Variants in PTPRD observed in about 807,000 individuals in gnomAD.
PTPRD encodes receptor-type tyrosine-protein phosphatase delta.
A neutral mutation model predicts 214.5 loss-of-function variants in PTPRD; 34 were observed. That is an observed-to-expected ratio of 0.16 (90% confidence interval 0.12 to 0.21). The LOEUF (loss-of-function observed/expected upper bound fraction) is 0.21, where lower values mean the gene tolerates loss of function less well. PTPRD is among the 10% of genes least tolerant of loss of function. The probability of loss-of-function intolerance (pLI) is 1.00; values close to 1 mark genes in which losing one functional copy is unlikely to be tolerated. For synonymous variants in PTPRD, 1,128 were observed against 845.7 expected (o/e 1.33, Z -5.79); for missense variants, 2,545 against 2,398.7 (o/e 1.06, Z -1.27).
chr9:9,275,204 TATATATA>T (rs1352783176), intron 9 of PTPRD, among the ~76,000 whole-genome samples: 798 of 69,422 alleles, frequency 0.011, 31 homozygotes, highest in African/African-American at 0.046. Context: ...ATATATTATA[TATATATA>T]TATATAACCA....
intron 3 of PTPRD, among the ~76,000 whole-genome samples, chr9:10,284,767 G>T (rs997377035): frequency 2.7e-5 from 4 of 149,446 alleles, no homozygotes; most frequent in African/African-American, 1.0e-4. Context: ...CCTTGATTCT[G>T]CAAGGCCAGG....
chr9:9,917,604 A>T (rs559970487), intron 5 of PTPRD, among the ~76,000 whole-genome samples: 5 of 151,962 alleles, frequency 3.3e-5, no homozygotes, highest in Non-Finnish European at 5.9e-5. Flanking sequence ...CAGCATAACC[A>T]TAATATGAAA....
At chr9:8,461,121 C>T (rs2096387277) in intron 32 of PTPRD, among the ~76,000 whole-genome samples, 1 of 152,038 alleles carries the variant, frequency 6.6e-6, no homozygotes, top group Non-Finnish European at 1.5e-5. Context: ...CTTAATACTA[C>T]TGCATATTAG....
chr9:9,600,040 G>C (rs1010460632), intron 7 of PTPRD, among the ~76,000 whole-genome samples: 2 of 151,940 alleles, frequency 1.3e-5, no homozygotes, highest in South Asian at 2.1e-4. Flanking sequence ...AATCCAAGCA[G>C]ATGAGTTACA....
At chr9:10,041,991 T>TG (rs1377306211) in intron 3 of PTPRD, among the ~76,000 whole-genome samples, 13 of 152,036 alleles carry the variant, frequency 8.6e-5, no homozygotes, top group Admixed American at 8.5e-4. Context: ...GCATCTGCAG[T>TG]ACTACACAAT....
At chr9:8,874,875 A>G (rs10815981) in intron 11 of PTPRD, among the ~76,000 whole-genome samples, 40,251 of 152,178 alleles carry the variant, frequency 0.26, 6,294 homozygotes, top group Non-Finnish European at 0.35. Flanking sequence ...CTAGATATTT[A>G]TTCTGACCTA....
chr9:8,329,274 C>G (rs530196078), intron 44 of PTPRD, among the ~76,000 whole-genome samples: 1 of 152,116 alleles, frequency 6.6e-6, no homozygotes, highest in Non-Finnish European at 1.5e-5. Context: ...AACAAACACC[C>G]AGGCCTCTCT....
At chr9:10,261,616 A>G (rs2093705214) in intron 3 of PTPRD, among the ~76,000 whole-genome samples, 1 of 152,126 alleles carries the variant, frequency 6.6e-6, no homozygotes, top group African/African-American at 2.4e-5. Flanking sequence ...GTACTAGTAT[A>G]TTTATATAGT....
At chr9:8,399,783 C>G (rs1005063370) in intron 36 of PTPRD, among the ~76,000 whole-genome samples, 4 of 152,152 alleles carry the variant, frequency 2.6e-5, no homozygotes, top group Non-Finnish European at 4.4e-5. Flanking sequence ...ATTATGATTT[C>G]AAAAGCCGCT....
intron 39 of PTPRD, among the ~76,000 whole-genome samples, chr9:8,373,946 C>T (rs1473260490): frequency 6.7e-6 from 1 of 149,736 alleles, no homozygotes; most frequent in Non-Finnish European, 1.5e-5. Context: ...TTTCTAGTGC[C>T]TCCACTTTAA....
At chr9:8,739,529 G>A (rs1450874127) in intron 11 of PTPRD, among the ~76,000 whole-genome samples, 1 of 152,154 alleles carries the variant, frequency 6.6e-6, no homozygotes, top group Non-Finnish European at 1.5e-5. Flanking sequence ...CTATTGGACA[G>A]CACAGACTAC....
intron 14 of PTPRD, among the ~76,000 whole-genome samples, chr9:8,533,584 G>A (rs550345115): frequency 2.6e-5 from 4 of 152,070 alleles, no homozygotes; most frequent in Admixed American, 6.6e-5. Flanking sequence ...ACAAGCAGCT[G>A]TTATCATGAA....
intron 7 of PTPRD, among the ~76,000 whole-genome samples, chr9:9,730,918 C>T (rs1041694770): frequency 6.6e-6 from 1 of 152,104 alleles, no homozygotes; most frequent in Admixed American, 6.5e-5. Context: ...GAGTGTACAT[C>T]ATTGTGCATA....
intron 7 of PTPRD, among the ~76,000 whole-genome samples, chr9:9,699,597 C>T (rs1239180471): frequency 6.6e-6 from 1 of 152,114 alleles, no homozygotes; most frequent in Non-Finnish European, 1.5e-5. Context: ...TAAAATATCC[C>T]ATTTCGGAAA....
chr9:9,781,300 A>G (rs1239355782), intron 5 of PTPRD, among the ~76,000 whole-genome samples: 3 of 152,222 alleles, frequency 2.0e-5, no homozygotes, highest in African/African-American at 4.8e-5. Context: ...TATAAACTCA[A>G]TATTTTGTAC....
intron 3 of PTPRD, among the ~76,000 whole-genome samples, chr9:10,220,712 T>C (rs1306365826): frequency 6.6e-6 from 1 of 151,866 alleles, no homozygotes; most frequent in Non-Finnish European, 1.5e-5. Context: ...TTTATATTAT[T>C]ATAAGATATA....
At chr9:9,391,961 T>A (rs1309825769) in intron 9 of PTPRD, among the ~76,000 whole-genome samples, 1 of 152,162 alleles carries the variant, frequency 6.6e-6, no homozygotes, top group Non-Finnish European at 1.5e-5. Context: ...TCCACATTGT[T>A]AGTCTGTAAA....
intron 39 of PTPRD, among the ~76,000 whole-genome samples, chr9:8,350,961 C>G (rs962743618): frequency 6.6e-6 from 1 of 151,930 alleles, no homozygotes; most frequent in Non-Finnish European, 1.5e-5. Flanking sequence ...GCACCTCCAA[C>G]TCTAGAAATC....
At chr9:9,227,318 T>C (rs1006211723) in intron 9 of PTPRD, among the ~76,000 whole-genome samples, 9 of 152,140 alleles carry the variant, frequency 5.9e-5, no homozygotes, top group African/African-American at 1.7e-4. Flanking sequence ...TTGCACGGTA[T>C]GGGAGAAGAC....
Sources: allele counts gnomAD v4.1 joint callset (sites outside exome capture counted in the v4.1 genomes callset), GRCh38; gene constraint gnomAD v4.1.1; transcripts MANE v1.5; gene names NCBI Gene and HGNC (gene_info 2026-07-23, HGNC 2026-07-21).